Variants in LRBA observed in about 807,000 individuals in gnomAD.
LRBA encodes LPS responsive beige-like anchor protein.
A neutral mutation model predicts 330.0 loss-of-function variants in LRBA; 176 were observed. The observed-to-expected ratio is 0.53, with a 90% confidence interval of 0.47 to 0.60. The LOEUF is 0.60. Ranked by LOEUF, LRBA falls within the 20% of genes least tolerant of loss-of-function variation. The pLI, the probability that LRBA is intolerant of heterozygous loss-of-function variation, is 0.00. For synonymous variants in LRBA, 1,230 were observed against 1,193.0 expected (o/e 1.03, Z -0.64); for missense variants, 3,259 against 3,444.8 (o/e 0.95, Z 1.35).
rs201337858 is a variant in LRBA, at chr4:150,879,249, CAG to C, written c.2166-6496_2166-6495del. Reference sequence around the variant, plus strand: ...ATCAATAAATATGATTCAATACAAACAGAATTAAAAACAAAACCATACATTTA... The same window carrying C: ...ATCAATAAATATGATTCAATACAAACAATTAAAAACAAAACCATACATTTA... On this transcript the variant is annotated intron_variant, in intron 17 of 56. Coordinates refer to ENST00000651943, the MANE Select transcript of LRBA (RefSeq NM_001364905.1). Among the ~76,000 whole-genome samples the C allele has an allele frequency of 4.0e-4, 61 of 152,148 alleles. No homozygotes were observed. The East Asian group carries it at 0.011, about 27-fold the overall frequency.
At position 150,264,509 on chromosome 4, in the gene LRBA, C is replaced by CAACA. The variant is rs1228874746; in HGVS notation, c.*1209_*1212dup. ...AATTTAGGAGCAAAAAAGGCATTTC[C>CAACA]AACAATTCAATTACAGATGCCATTT... is the stretch of plus-strand genomic sequence containing the variant. On this transcript the variant is annotated 3_prime_UTR_variant, in exon 57 of 57. Coordinates refer to ENST00000651943, the MANE Select transcript of LRBA (RefSeq NM_001364905.1). The CAACA allele has an allele frequency of 6.6e-6, 1 of 152,082 alleles. No homozygotes were observed. The highest frequency in any genetic ancestry group is 1.5e-5 in the Non-Finnish European group (1 of 68,010). The allele number at this position is 152,082 out of a possible 1,614,324, so 9.4% of individuals were successfully genotyped here. A position where few individuals can be genotyped will look rare whatever the true frequency, so the allele number is the denominator to read the frequency against.
At chr4:150,601,988 G>A (rs1056938562) in intron 37 of LRBA, among the ~76,000 whole-genome samples, 1 of 150,060 alleles carries the variant, frequency 6.7e-6, no homozygotes, top group African/African-American at 2.4e-5. Flanking sequence ...ACCGCACCCG[G>A]CCTATTCTAT....
intron 2 of LRBA, among the ~76,000 whole-genome samples, chr4:150,971,786 A>G (rs1739606260): frequency 6.6e-6 from 1 of 152,204 alleles, no homozygotes; most frequent in African/African-American, 2.4e-5. Context: ...CCCAAAGAGG[A>G]AGGGAAAAAG....
chr4:150,757,459 T>A (rs1734465053), intron 35 of LRBA, among the ~76,000 whole-genome samples: 1 of 152,116 alleles, frequency 6.6e-6, no homozygotes, highest in Non-Finnish European at 1.5e-5. Context: ...TTTACACAAA[T>A]ACGACATTAA....
At chr4:150,787,642 G>T (rs1468414503) in intron 34 of LRBA, among the ~76,000 whole-genome samples, 1 of 152,136 alleles carries the variant, frequency 6.6e-6, no homozygotes, top group Non-Finnish European at 1.5e-5. Context: ...ATCCCCTCAA[G>T]CGTTTATCCT....
chr4:150,643,899 C>G (rs1364247080), intron 37 of LRBA, among the ~76,000 whole-genome samples: 5 of 151,924 alleles, frequency 3.3e-5, no homozygotes, highest in Admixed American at 3.3e-4. Context: ...TGTCTAGGTA[C>G]TATCTGCTGG....
intron 37 of LRBA, among the ~76,000 whole-genome samples, chr4:150,610,989 T>C (rs968116452): frequency 6.6e-6 from 1 of 152,130 alleles, no homozygotes; most frequent in Non-Finnish European, 1.5e-5. Context: ...AAAACACATA[T>C]AGAATAAAAG....
Position 150,817,198 on chromosome 4 carries a change from A to G in LRBA, c.5231T>C (p.Ile1744Thr). ...AACCACACTGACAGCATTGGTAGGTATGCTTGTATTAAAGGTGGAAGGTGA... is the reference window on the plus strand; with the variant it reads ...AACCACACTGACAGCATTGGTAGGTGTGCTTGTATTAAAGGTGGAAGGTGA... ...AVSPSTFNTS[I>T]PTNAVSVVSS... Residue 1744 changes from isoleucine (I) to threonine (T), a missense_variant, in exon 31 of 57, where the codon ATA becomes ACA. Transcript: ENST00000651943. The G allele has an allele frequency of 6.2e-7, 1 of 1,612,158 alleles. No homozygotes were observed. Among genetic ancestry groups the G allele is most frequent in the South Asian group, 1.1e-5 (1 of 91,034 alleles).
At chr4:150,733,810 A>T (rs1235719908) in intron 36 of LRBA, among the ~76,000 whole-genome samples, 4 of 151,996 alleles carry the variant, frequency 2.6e-5, no homozygotes, top group Non-Finnish European at 5.9e-5. Context: ...AAAGCTATTA[A>T]TTTTTTGCAT....
chr4:150,801,454 T>C (rs1410911356), intron 33 of LRBA, among the ~76,000 whole-genome samples: 3 of 152,230 alleles, frequency 2.0e-5, no homozygotes, highest in Non-Finnish European at 4.4e-5. Flanking sequence ...AGACATCTTC[T>C]TTGCTTGAGA....
At chr4:150,750,281 A>G (rs1733357891) in intron 35 of LRBA, among the ~76,000 whole-genome samples, 1 of 152,170 alleles carries the variant, frequency 6.6e-6, no homozygotes, top group Non-Finnish European at 1.5e-5. Flanking sequence ...ATATCCTCAG[A>G]TTCCAGAATA....
chr4:150,891,342 T>C (rs1729438045), intron 17 of LRBA, among the ~76,000 whole-genome samples: 1 of 152,222 alleles, frequency 6.6e-6, no homozygotes, highest in Admixed American at 6.5e-5. Flanking sequence ...AAACTATAAA[T>C]AAATAACAAA....
chr4:150,556,147 A>G (rs1767289655), intron 40 of LRBA, among the ~76,000 whole-genome samples: 1 of 152,118 alleles, frequency 6.6e-6, no homozygotes, highest in South Asian at 2.1e-4. Context: ...AAATAAATAA[A>G]ATAAAAATTT....
chr4:150,377,061 A>G (rs991425250), intron 47 of LRBA, among the ~76,000 whole-genome samples: 24 of 151,620 alleles, frequency 1.6e-4, no homozygotes, highest in African/African-American at 5.3e-4. Flanking sequence ...TTGGAGGCCA[A>G]GGTCGGGGAT....
chr4:150,751,439 T>C (rs959717856), intron 35 of LRBA, among the ~76,000 whole-genome samples: 2 of 152,108 alleles, frequency 1.3e-5, no homozygotes, highest in African/African-American at 2.4e-5. Flanking sequence ...CTAAATGATT[T>C]TTTTTTGCTA....
chr4:150,555,407 G>A (rs1323415168), intron 40 of LRBA, among the ~76,000 whole-genome samples: 1 of 151,956 alleles, frequency 6.6e-6, no homozygotes, highest in Non-Finnish European at 1.5e-5. Context: ...ATTCATAAAC[G>A]ACACTACTAT....
chr4:150,544,394 T>C (rs752957034), intron 40 of LRBA, among the ~76,000 whole-genome samples: 1 of 152,052 alleles, frequency 6.6e-6, no homozygotes, highest in Non-Finnish European at 1.5e-5. Context: ...TCCCATACCA[T>C]AATTCTTTCT....
intron 38 of LRBA, among the ~76,000 whole-genome samples, chr4:150,597,970 A>G (rs1291587911): frequency 6.6e-6 from 1 of 152,132 alleles, no homozygotes; most frequent in Non-Finnish European, 1.5e-5. Context: ...CATATTGTGG[A>G]CATTTTCTTC....
chr4:150,853,515 C>T (rs1457611536), intron 22 of LRBA, among the ~76,000 whole-genome samples: 1 of 152,040 alleles, frequency 6.6e-6, no homozygotes, highest in Non-Finnish European at 1.5e-5. Context: ...CCATAATTTC[C>T]AAAGTTTGAA....
Sources: allele counts gnomAD v4.1 joint callset (sites outside exome capture counted in the v4.1 genomes callset), GRCh38; gene constraint gnomAD v4.1.1; transcripts MANE v1.5; gene names NCBI Gene and HGNC (gene_info 2026-07-23, HGNC 2026-07-21).